Variants in FGF2 observed in about 807,000 individuals in gnomAD.
The protein encoded by FGF2 is fibroblast growth factor 2.
In FGF2, 13 loss-of-function variants were observed where a neutral mutation model predicts 15.9. That is an observed-to-expected ratio of 0.82 (90% CI 0.53 to 1.30). The LOEUF (loss-of-function observed/expected upper bound fraction) is 1.30. FGF2 is among the 50% of genes most tolerant of loss of function. The pLI, the probability that FGF2 is intolerant of heterozygous loss-of-function variation, is 0.00. For missense variants in FGF2, 163 were observed against 196.9 expected (o/e 0.83, Z 1.03); for synonymous variants, 90 against 78.4 (o/e 1.15, Z -0.78).
chr4:122,884,051 G>GA (rs1283282176), intron 2 of FGF2, among the ~76,000 whole-genome samples: 2 of 152,172 alleles, frequency 1.3e-5, no homozygotes, highest in Non-Finnish European at 2.9e-5. Context: ...AAATTTGTGA[G>GA]AAAAATACAG....
At chr4:122,857,892 A>G (rs1389532165) in intron 1 of FGF2, among the ~76,000 whole-genome samples, 1 of 152,204 alleles carries the variant, frequency 6.6e-6, no homozygotes, top group East Asian at 1.9e-4. Flanking sequence ...GTCATCATCT[A>G]CAATCTTAAG....
At chr4:122,829,927 AAAC>A (rs1725725890) in intron 1 of FGF2, among the ~76,000 whole-genome samples, 2 of 152,230 alleles carry the variant, frequency 1.3e-5, no homozygotes, top group Admixed American at 6.5e-5. Flanking sequence ...AAAACAAATA[AAAC>A]TGACCAGAAA....
intron 1 of FGF2, among the ~76,000 whole-genome samples, chr4:122,829,422 A>T (rs77322655): frequency 1.3e-5 from 2 of 152,180 alleles, no homozygotes; most frequent in East Asian, 3.9e-4. Flanking sequence ...CCTCAACAAA[A>T]ACATTTTTGA....
At chr4:122,891,271 A>T (rs1485339419) in intron 2 of FGF2, among the ~76,000 whole-genome samples, 1 of 151,522 alleles carries the variant, frequency 6.6e-6, no homozygotes, top group Non-Finnish European at 1.5e-5. Flanking sequence ...CGATCTCCTG[A>T]CCTCGTGATC....
At chr4:122,878,643 G>A (rs1040994099) in intron 2 of FGF2, among the ~76,000 whole-genome samples, 1 of 152,150 alleles carries the variant, frequency 6.6e-6, no homozygotes, top group African/African-American at 2.4e-5. Context: ...GATCATCCTG[G>A]CAGAAGTGTA....
Position 122,828,157 on chromosome 4 carries a change from G to A in FGF2, c.178+805G>A, listed in dbSNP as rs1363100953. Among the ~76,000 whole-genome samples, 4 of 152,200 alleles carry A rather than the reference G, an allele frequency of 2.6e-5. No homozygotes were observed. The East Asian group carries it at 7.7e-4, about 29-fold the overall frequency. On this transcript the variant is annotated intron_variant, in intron 1 of 2. Transcript: ENST00000644866. ...CTTTCTGTAAGAAACAATGTTTGTG[G>A]TTCTAGAAAGAACACTGGCCTAAAT...
rs1726198723 is a variant in FGF2, at chr4:122,850,168, A to G, written c.178+22816A>G. Among the ~76,000 whole-genome samples, 5 of 152,216 alleles carry G rather than the reference A, an allele frequency of 3.3e-5. No homozygotes were observed. The South Asian group carries it at 1.0e-3, about 32-fold the overall frequency. ...TCTCAGCTACTTGGGAGACTCAGGC[A>G]CAAAAATTGCTTGAACCTGGGAGGC... On this transcript the variant is annotated intron_variant, in intron 1 of 2. Transcript: ENST00000644866.
chr4:122,850,749 A>G (rs1726213171), intron 1 of FGF2, among the ~76,000 whole-genome samples: 1 of 152,138 alleles, frequency 6.6e-6, no homozygotes, highest in South Asian at 2.1e-4. Context: ...GCGGTTCCAA[A>G]TCTCACAAGA....
At chr4:122,838,769 T>C (rs1330612542) in intron 1 of FGF2, among the ~76,000 whole-genome samples, 1 of 152,258 alleles carries the variant, frequency 6.6e-6, no homozygotes, top group Admixed American at 6.5e-5. Flanking sequence ...CATGATTTAG[T>C]ATGAGACAAT....
At chr4:122,826,800 G>C, upstream of FGF2, 1 of 1,433,658 alleles carries the variant, frequency 7.0e-7, no homozygotes, top group South Asian at 1.4e-5. Flanking sequence ...GGGTGGAGAT[G>C]TAGAAGATGT....
Position 122,895,442 on chromosome 4 carries a change from T to G in FGF2, c.*3046T>G, listed in dbSNP as rs1196971271. 6.6e-6 allele frequency: 1 copy of G among 152,204 alleles called. No homozygotes were observed. The highest frequency in any genetic ancestry group is 1.5e-5 in the Non-Finnish European group (1 of 68,042). The allele number at this position is 152,204 out of a possible 1,614,324, so 9.4% of individuals were successfully genotyped here. A position where few individuals can be genotyped will look rare whatever the true frequency, so the allele number is the denominator to read the frequency against. ...GTTATATTTAATAATAGAATTAGAT[T>G]GAAATAAAATATAATGGGAAATAAT... is the stretch of plus-strand genomic sequence containing the variant. On this transcript the variant is annotated 3_prime_UTR_variant, in exon 3 of 3. Coordinates refer to ENST00000644866, the MANE Select transcript of FGF2 (RefSeq NM_001361665.2).
intron 1 of FGF2, among the ~76,000 whole-genome samples, chr4:122,853,413 A>G (rs756981547): frequency 3.3e-5 from 5 of 152,246 alleles, no homozygotes; most frequent in African/African-American, 7.2e-5. Context: ...TTTTAAGTTC[A>G]TGTATATTAT....
chr4:122,877,482 C>A (rs137892603), intron 2 of FGF2, among the ~76,000 whole-genome samples: 1 of 152,304 alleles, frequency 6.6e-6, no homozygotes, highest in Non-Finnish European at 1.5e-5. Flanking sequence ...GGCTAGTATT[C>A]TTTCCACTAG....
intron 1 of FGF2, among the ~76,000 whole-genome samples, chr4:122,855,025 G>A (rs1726312458): frequency 6.6e-6 from 1 of 152,060 alleles, no homozygotes; most frequent in Non-Finnish European, 1.5e-5. Context: ...CTGTTCTGGA[G>A]CTGCCTGAAT....
intron 2 of FGF2, among the ~76,000 whole-genome samples, chr4:122,880,781 T>C (rs1479742417): frequency 6.6e-6 from 1 of 152,160 alleles, no homozygotes. Context: ...GTCTGGAGGA[T>C]GGTGGCCCTC....
chr4:122,861,597 C>T (rs1206132767), intron 1 of FGF2, among the ~76,000 whole-genome samples: 1 of 151,654 alleles, frequency 6.6e-6, no homozygotes, highest in Non-Finnish European at 1.5e-5. Flanking sequence ...TCTGTCCACT[C>T]CCACAGTTGG....
intron 1 of FGF2, among the ~76,000 whole-genome samples, chr4:122,872,491 C>T (rs1472481571): frequency 6.6e-6 from 1 of 152,070 alleles, no homozygotes; most frequent in Admixed American, 6.6e-5. Flanking sequence ...CTTAGCAAGA[C>T]AGGCCAACAT....
chr4:122,881,996 G>T (rs2150786950), intron 2 of FGF2: 1 of 152,694 alleles, frequency 6.5e-6, no homozygotes, highest in Admixed American at 6.5e-5. Context: ...GGCAAAGAGA[G>T]AGAGAGCTTG....
chr4:122,828,058 C>T (rs1725685156), intron 1 of FGF2, among the ~76,000 whole-genome samples: 1 of 152,332 alleles, frequency 6.6e-6, no homozygotes, highest in Non-Finnish European at 1.5e-5. Flanking sequence ...AGCCGGTTTC[C>T]TCATCGCTCA....
Sources: gnomAD v4.1 joint callset for allele counts (sites outside exome capture counted in the v4.1 genomes callset) on GRCh38, gnomAD v4.1.1 for gene constraint, MANE v1.5 for transcripts, NCBI Gene and HGNC (gene_info 2026-07-23, HGNC 2026-07-21) for gene names.